ADAM10: variants seen among roughly 807,000 people sequenced by gnomAD.
The protein encoded by ADAM10 is ADAM metallopeptidase domain 10, also known as disintegrin and metalloproteinase domain-containing protein 10.
Under a neutral mutation model 90.1 loss-of-function variants are expected in ADAM10, and 17 were observed. The observed-to-expected ratio is 0.19, with a 90% CI of 0.13 to 0.28. The LOEUF (loss-of-function observed/expected upper bound fraction) is 0.28, where lower values mean the gene tolerates loss of function less well. Ranked by LOEUF, ADAM10 falls within the 10% of genes least tolerant of loss-of-function variation. The pLI is 1.00. For synonymous variants in ADAM10, 310 were observed against 298.6 expected, an observed-to-expected ratio of 1.04 and a Z score of -0.40; for missense variants, 610 against 914.3, an observed-to-expected ratio of 0.67 and a Z score of 4.29.
intron 2 of ADAM10, among the ~76,000 whole-genome samples, chr15:58,697,499 C>T (rs753511827): frequency 8.1e-4 from 123 of 152,172 alleles, no homozygotes; most frequent in Non-Finnish European, 1.4e-3. Flanking sequence ...TCCTAGGGGC[C>T]TGAGATTTAG....
chr15:58,616,074 A>G (rs1417380697), intron 11 of ADAM10, among the ~76,000 whole-genome samples: 1 of 152,174 alleles, frequency 6.6e-6, no homozygotes, highest in African/African-American at 2.4e-5. Context: ...CATTCAGCAA[A>G]GGGATATAAC....
At chr15:58,658,157 T>C (rs1484711351) in intron 5 of ADAM10, among the ~76,000 whole-genome samples, 7 of 152,326 alleles carry the variant, frequency 4.6e-5, no homozygotes, top group Middle Eastern at 3.4e-3. Flanking sequence ...CTTTGGCATA[T>C]AGGTCCATTT....
chr15:58,638,862 G>C (rs1896342185), intron 8 of ADAM10, among the ~76,000 whole-genome samples: 1 of 152,130 alleles, frequency 6.6e-6, no homozygotes, highest in South Asian at 2.1e-4. Flanking sequence ...AAAACTGTCA[G>C]GGGAGGGAGG....
intron 2 of ADAM10, among the ~76,000 whole-genome samples, chr15:58,715,763 C>T (rs1401283515): frequency 6.6e-6 from 1 of 152,190 alleles, no homozygotes; most frequent in Non-Finnish European, 1.5e-5. Context: ...CACTGACACA[C>T]ACACAAAGGA....
chr15:58,630,000 C>T (rs184662681), intron 9 of ADAM10, among the ~76,000 whole-genome samples: 164 of 152,220 alleles, frequency 1.1e-3, no homozygotes, highest in African/African-American at 3.7e-3. Flanking sequence ...TCTCGAACTC[C>T]TGGGCTCAAG....
intron 4 of ADAM10, among the ~76,000 whole-genome samples, chr15:58,678,350 T>C (rs1369321088): frequency 6.6e-6 from 1 of 152,076 alleles, no homozygotes; most frequent in African/African-American, 2.4e-5. Context: ...TGACAATAAA[T>C]TTCTGTCTAT....
intron 14 of ADAM10, among the ~76,000 whole-genome samples, chr15:58,602,810 T>C (rs1895151118): frequency 6.6e-6 from 1 of 152,218 alleles, no homozygotes; most frequent in African/African-American, 2.4e-5. Context: ...TGTATCATGG[T>C]TGTCCCTCAC....
chr15:58,606,764 G>A (rs1489876111), intron 14 of ADAM10, among the ~76,000 whole-genome samples: 1 of 152,200 alleles, frequency 6.6e-6, no homozygotes, highest in South Asian at 2.1e-4. Context: ...GGAATGGAAC[G>A]TAAGAATTTG....
intron 2 of ADAM10, among the ~76,000 whole-genome samples, chr15:58,699,483 G>T (rs1018745306): frequency 1.3e-5 from 2 of 152,172 alleles, no homozygotes; most frequent in African/African-American, 4.8e-5. Flanking sequence ...TACAGGCTGG[G>T]CACAGTGGCT....
chr15:58,661,027 C>A (rs1596040507), intron 5 of ADAM10, among the ~76,000 whole-genome samples: 1 of 152,230 alleles, frequency 6.6e-6, no homozygotes, highest in East Asian at 1.9e-4. Flanking sequence ...ATCTTTATCA[C>A]GGCACAGTTT....
rs1247798879 is a variant in ADAM10, at chr15:58,679,146, G to A, written c.462C>T (p.Val154=). ...TACTAATATCATCTTCATGATAAAT[G>A]ACAGAGTGAAATGGCAGAGTTCGGT... The part of the protein sequence containing the change: ...IKDRTLPFHS[V]IYHEDDINYP... Residue 154 remains valine, a synonymous_variant, in exon 4 of 16, where the codon GTC becomes GTT. Coordinates refer to ENST00000260408, the MANE Select transcript of ADAM10 (RefSeq NM_001110.4). 2 of 1,613,834 alleles carry A rather than the reference G, an allele frequency of 1.2e-6. No individual in the cohort carries two copies. The highest frequency in any genetic ancestry group is 1.7e-6 in the Non-Finnish European group (2 of 1,179,900).
At chr15:58,688,826 T>A (rs1382162604) in intron 2 of ADAM10, among the ~76,000 whole-genome samples, 5 of 140,374 alleles carry the variant, frequency 3.6e-5, no homozygotes, top group African/African-American at 1.4e-4. Context: ...GCAGATGAGA[T>A]ACTGCAAGAA....
chr15:58,696,259 G>A (rs1307485381), intron 2 of ADAM10, among the ~76,000 whole-genome samples: 2 of 151,686 alleles, frequency 1.3e-5, no homozygotes, highest in African/African-American at 4.8e-5. Flanking sequence ...TGCACTCCAA[G>A]TCTGGGTGAC....
chr15:58,644,192 T>C (rs1257102231), intron 6 of ADAM10, among the ~76,000 whole-genome samples: 1 of 151,562 alleles, frequency 6.6e-6, no homozygotes, highest in Non-Finnish European at 1.5e-5. Flanking sequence ...TGGCCAACAA[T>C]AAACATGCAT....
chr15:58,725,312 T>C (rs1269336756), intron 1 of ADAM10, among the ~76,000 whole-genome samples: 4 of 151,276 alleles, frequency 2.6e-5, no homozygotes, highest in African/African-American at 9.7e-5. Context: ...AGGAGGACTG[T>C]TCAAGGCCAA....
intron 14 of ADAM10, 50 bp downstream of exon 14, chr15:58,610,247 T>C: frequency 6.5e-7 from 1 of 1,534,094 alleles, no homozygotes; most frequent in East Asian, 2.3e-5. Flanking sequence ...CCAAGTAAAA[T>C]TAAGATCAAA....
chr15:58,739,536 TAA>T (rs1293889583), intron 1 of ADAM10, among the ~76,000 whole-genome samples: 2 of 151,608 alleles, frequency 1.3e-5, no homozygotes, highest in African/African-American at 4.8e-5. Context: ...AATAAATAAA[TAA>T]ATAAATATTT....
intron 5 of ADAM10, among the ~76,000 whole-genome samples, chr15:58,664,643 T>C (rs1201699779): frequency 1.3e-5 from 2 of 151,994 alleles, no homozygotes; most frequent in African/African-American, 4.8e-5. Context: ...CTGTCACCTA[T>C]GACTAAAGAA....
rs1894984835 is a variant in ADAM10, at chr15:58,597,371, T to C, written c.*176A>G. 1 of 1,543,704 alleles carries C rather than the reference T, an allele frequency of 6.5e-7. No individual in the cohort carries two copies. Among genetic ancestry groups the C allele is most frequent in the African/African-American group, 1.4e-5 (1 of 72,602 alleles). ...CCACCTCCCACCCCCAAATTGGAAT[T>C]TTCAGGCTTTAAAATTTAAGTAATT... On this transcript the variant is annotated 3_prime_UTR_variant, in exon 16 of 16. Transcript: ENST00000260408.
Sources: allele counts gnomAD v4.1 joint callset (sites outside exome capture counted in the v4.1 genomes callset), GRCh38; gene constraint gnomAD v4.1.1; transcripts MANE v1.5; gene names NCBI Gene and HGNC (gene_info 2026-07-23, HGNC 2026-07-21).